The following AKNA variants were observed in gnomAD, a reference collection of about 807,000 sequenced individuals.
AKNA encodes the protein microtubule organization protein AKNA.
In AKNA, 67 loss-of-function variants were observed where a neutral mutation model predicts 138.8. The ratio of observed to expected loss-of-function variants is 0.48; its 90% confidence interval spans 0.40 to 0.59. The LOEUF (loss-of-function observed/expected upper bound fraction) is 0.59. Ranked by LOEUF, AKNA falls within the 20% of genes least tolerant of loss-of-function variation. The pLI is 0.00. For synonymous variants in AKNA, 737 were observed against 754.4 expected, an observed-to-expected ratio of 0.98 and a Z score of 0.38; for missense variants, 1,813 against 1,880.4, an observed-to-expected ratio of 0.96 and a Z score of 0.66.
chr9:114,383,054 C>A (rs1010180495), intron 1 of AKNA: 1 of 440,146 alleles, frequency 2.3e-6, no homozygotes, highest in South Asian at 1.6e-5. Context: ...GGGGAGCAAG[C>A]CTACCAGGGG....
intron 3 of AKNA, 63 bp from the exon 4 acceptor site, chr9:114,374,230 G>A: frequency 6.7e-7 from 1 of 1,489,684 alleles, no homozygotes; most frequent in Non-Finnish European, 9.2e-7. Flanking sequence ...TCCTTGCTGG[G>A]AGACCCTGAT....
At chr9:114,371,627 T>C (rs1244397079) in intron 4 of AKNA, among the ~76,000 whole-genome samples, 2 of 152,200 alleles carry the variant, frequency 1.3e-5, no homozygotes, top group African/African-American at 2.4e-5. Context: ...CCTTGGTGTG[T>C]GTGTGGAGGG....
At chr9:114,361,003 A>G (rs562967129) in intron 9 of AKNA, among the ~76,000 whole-genome samples, 3 of 151,952 alleles carry the variant, frequency 2.0e-5, no homozygotes, top group African/African-American at 7.2e-5. Context: ...CCACTCAAAC[A>G]TACCTTCCCA....
chr9:114,355,953 G>A lies in AKNA; in HGVS notation c.3030C>T (p.Ser1010=), dbSNP rs1286622602. ...TCTCGGCTGCCAGTGTCCGCTCCAG[G>A]CTGAAGTTGGGTGCCCTCTGCCGGA... ...GPLRQRAPNF[S]LERTLAAEMA... is the part of the protein sequence containing the mutation. Residue 1010 remains serine (S), a synonymous_variant, in exon 14 of 22, where the codon AGC becomes AGT. Coordinates refer to ENST00000374088, the MANE Select transcript of AKNA (RefSeq NM_001317950.2). The A allele has an allele frequency of 1.2e-6, 2 of 1,614,216 alleles. No individual in the cohort carries two copies. The highest frequency in any genetic ancestry group is 2.7e-5 in the African/African-American group (2 of 75,054).
At chr9:114,330,830 T>C (rs2636889), downstream of AKNA, 24,473 of 1,613,810 alleles carry the variant, frequency 0.015, 3,510 homozygotes, top group African/African-American at 0.29. Context: ...TACCTGAATG[T>C]CCAGCGGGAG....
chr9:114,336,980 G>T lies in AKNA; in HGVS notation c.*74C>A, dbSNP rs1830026501. The stretch of plus-strand genomic sequence containing the variant: ...TATGCGGGCCTTCTGGGCCTCAGCA[G>T]CTCCAGCCCACTCCTGGCCTGGCAG... On this transcript the variant is annotated 3_prime_UTR_variant, in exon 22 of 22. Transcript: ENST00000374088. 3.5e-6 allele frequency: 5 copies of T among 1,436,026 alleles called. No homozygotes were observed. The South Asian group carries it at 5.8e-5, about 17-fold the overall frequency. The allele number at this position is 1,436,026 out of a possible 1,614,324, so 89.0% of individuals were successfully genotyped here. A position where few individuals can be genotyped will look rare whatever the true frequency, so the allele number is the denominator to read the frequency against.
chr9:114,362,501 G>A lies in AKNA; in HGVS notation c.1821C>T (p.Ala607=). ...AAGCCTTCAGGTACTCCTCCTCTAG[G>A]GCCGCGTGGGCAGCCTTCAGCCGCT... ...GFQRLKAAHA[A]LEEEYLKACR... The change falls in exon 8 of 22, where the codon GCC becomes GCT. Residue 607 remains alanine (A), a synonymous_variant. Coordinates refer to ENST00000374088, the MANE Select transcript of AKNA (RefSeq NM_001317950.2). 2.5e-6 allele frequency: 4 copies of A among 1,613,402 alleles called. No homozygotes were observed. Among genetic ancestry groups the A allele is most frequent in the Non-Finnish European group, 3.4e-6 (4 of 1,179,836 alleles).
intron 1 of AKNA, among the ~76,000 whole-genome samples, chr9:114,381,815 C>T (rs112572654): frequency 0.033 from 4,983 of 152,088 alleles, 279 homozygotes; most frequent in African/African-American, 0.11. Context: ...TGCACGCCAC[C>T]ACACCCGGCT....
intron 18 of AKNA, chr9:114,344,203 A>C: frequency 5.3e-6 from 1 of 188,422 alleles, no homozygotes; most frequent in Non-Finnish European, 1.1e-5. Context: ...TATTCCCCAC[A>C]CCCCGACTTG....
chr9:114,391,496 AGAG>A (rs1834337249), upstream of AKNA, among the ~76,000 whole-genome samples: 1 of 152,180 alleles, frequency 6.6e-6, no homozygotes. Flanking sequence ...ACTGAGGCCC[AGAG>A]AAGAGAAGAG....
chr9:114,341,420 G>T, intron 21 of AKNA, 113 bp downstream of exon 21: 1 of 1,324,500 alleles, frequency 7.6e-7, no homozygotes, highest in Non-Finnish European at 1.1e-6. Context: ...TCCACGCAGG[G>T]ATAAAACACA....
intron 4 of AKNA, among the ~76,000 whole-genome samples, chr9:114,373,869 G>C (rs908212020): frequency 7.7e-6 from 1 of 130,172 alleles, no homozygotes; most frequent in Non-Finnish European, 1.6e-5. Flanking sequence ...CTAGGTGACA[G>C]AGCAAGACCC....
intron 2 of AKNA, among the ~76,000 whole-genome samples, chr9:114,377,812 C>A (rs1276713247): frequency 6.6e-6 from 1 of 152,202 alleles, no homozygotes; most frequent in Non-Finnish European, 1.5e-5. Flanking sequence ...TGCATACAGG[C>A]CAGAAGGCTG....
At chr9:114,331,832 A>C, downstream of AKNA, 1 of 1,613,708 alleles carries the variant, frequency 6.2e-7, no homozygotes, top group Non-Finnish European at 8.5e-7. Context: ...GCAGCTGACA[A>C]GCCAGAGACG....
chr9:114,346,830 T>C (rs1006768406), intron 16 of AKNA, 46 bp from the exon 17 acceptor site: 2 of 1,542,454 alleles, frequency 1.3e-6, no homozygotes, highest in Admixed American at 1.7e-5. Flanking sequence ...AGGTTTTGTG[T>C]GGCCTTTAAA....
At chr9:114,368,399 C>T in intron 5 of AKNA, 40 bp downstream of exon 5, 2 of 1,310,392 alleles carry the variant, frequency 1.5e-6, no homozygotes, top group South Asian at 3.1e-5. Flanking sequence ...GAATCCCAGG[C>T]AGAAGGAGCC....
chr9:114,339,300 C>A (rs755109611), intron 21 of AKNA, among the ~76,000 whole-genome samples: 1 of 152,216 alleles, frequency 6.6e-6, no homozygotes, highest in Non-Finnish European at 1.5e-5. Flanking sequence ...CACAGGCCCA[C>A]TCCGCTTTCC....
chr9:114,350,421 A>G (rs1831024495), intron 15 of AKNA, among the ~76,000 whole-genome samples: 1 of 152,140 alleles, frequency 6.6e-6, no homozygotes, highest in Non-Finnish European at 1.5e-5. Context: ...CGATTTTACC[A>G]TTTCTGTTCA....
Position 114,357,903 on chromosome 9 carries a change from C to A in AKNA, c.2739+18G>T. 6.3e-7 allele frequency: 1 copy of A among 1,593,604 alleles called. No individual in the cohort carries two copies. Among genetic ancestry groups the A allele is most frequent in the South Asian group, 1.1e-5 (1 of 87,998 alleles). On this transcript the variant is annotated intron_variant, in intron 12 of 21. Coordinates refer to ENST00000374088, the MANE Select transcript of AKNA (RefSeq NM_001317950.2). The stretch of plus-strand genomic sequence containing the variant: ...TGACCCTGAGGTTCTGGGCCCATTC[C>A]CCCATGTGGAGACTTACCTCCAGGT...
Sources: allele counts gnomAD v4.1 joint callset (sites outside exome capture counted in the v4.1 genomes callset), GRCh38; gene constraint gnomAD v4.1.1; transcripts MANE v1.5; gene names NCBI Gene and HGNC (gene_info 2026-07-23, HGNC 2026-07-21).